The following LINGO2 variants were observed in gnomAD, a reference collection of about 807,000 sequenced individuals.
LINGO2 encodes the protein leucine rich repeat and Ig domain containing 2.
A neutral mutation model predicts 30.6 loss-of-function variants in LINGO2; 14 were observed. That is an observed-to-expected ratio of 0.46 (90% CI 0.30 to 0.72). The LOEUF is 0.72. Among genes scored for constraint, LINGO2 ranks in the 30% least tolerant of loss-of-function variants. The pLI is 0.07. For missense variants in LINGO2, 729 were observed against 751.7 expected (o/e 0.97, Z 0.35); for synonymous variants, 317 against 288.5 (o/e 1.10, Z -1.00).
At chr9:29,030,622 T>A in the LINGO2 span, among the ~76,000 whole-genome samples, 1 of 152,210 alleles carries the variant, frequency 6.6e-6, no homozygotes, top group African/African-American at 2.4e-5. Context: ...GTTTTCATGA[T>A]GAGATTCTTC....
chr9:28,099,838 C>A (rs1826358110), intron 4 of LINGO2, among the ~76,000 whole-genome samples: 1 of 152,164 alleles, frequency 6.6e-6, no homozygotes, highest in South Asian at 2.1e-4. Flanking sequence ...TTGCCATGCT[C>A]TTGCCCTCCT....
At chr9:28,777,046 C>T in the LINGO2 span, among the ~76,000 whole-genome samples, 131,749 of 152,000 alleles carry the variant, frequency 0.87, 57,330 homozygotes, top group East Asian at 0.95. Context: ...GCTCCCTCTC[C>T]CACTTGCTCT....
intron 2 of LINGO2, among the ~76,000 whole-genome samples, chr9:28,433,945 C>CTATATATATATATA (rs1305896597): frequency 7.0e-5 from 4 of 57,316 alleles, no homozygotes; most frequent in African/African-American, 1.3e-4. Context: ...CTCTCTCTCT[C>CTATATATATATATA]TCTCTATATA....
the LINGO2 span, among the ~76,000 whole-genome samples, chr9:28,790,325 C>CTTTCTTTTTTTTTTTTT: frequency 9.4e-6 from 1 of 106,300 alleles, no homozygotes; most frequent in African/African-American, 3.9e-5. Flanking sequence ...TCTTTTCTTT[C>CTTTCTTTTTTTTTTTTT]TTTTTTTTTT....
At chr9:29,081,923 A>G in the LINGO2 span, among the ~76,000 whole-genome samples, 1 of 152,100 alleles carries the variant, frequency 6.6e-6, no homozygotes, top group Non-Finnish European at 1.5e-5. Context: ...TCAATGAAAT[A>G]AAAGAGGACA....
At chr9:28,836,632 T>A in the LINGO2 span, among the ~76,000 whole-genome samples, 1 of 152,254 alleles carries the variant, frequency 6.6e-6, no homozygotes, top group South Asian at 2.1e-4. Context: ...ATATTTTTAA[T>A]TTTTTAAAAT....
chr9:28,001,496 C>A (rs1821951347), intron 5 of LINGO2, among the ~76,000 whole-genome samples: 1 of 151,974 alleles, frequency 6.6e-6, no homozygotes, highest in African/African-American at 2.4e-5. Flanking sequence ...AGAAAGTGTG[C>A]AAAATATGCT....
At chr9:28,870,064 C>T in the LINGO2 span, among the ~76,000 whole-genome samples, 1 of 151,782 alleles carries the variant, frequency 6.6e-6, no homozygotes, top group Non-Finnish European at 1.5e-5. Context: ...TGAGTCCCTC[C>T]TTCACTCTTT....
At chr9:28,925,589 T>C in the LINGO2 span, among the ~76,000 whole-genome samples, 1 of 152,230 alleles carries the variant, frequency 6.6e-6, no homozygotes, top group African/African-American at 2.4e-5. Flanking sequence ...TCCTGGACTC[T>C]GCTCTCTTTG....
At chr9:29,043,234 G>A in the LINGO2 span, among the ~76,000 whole-genome samples, 27 of 152,000 alleles carry the variant, frequency 1.8e-4, no homozygotes, top group Admixed American at 1.1e-3. Flanking sequence ...GATGTAGACT[G>A]GAAATTTAAG....
the LINGO2 span, among the ~76,000 whole-genome samples, chr9:28,695,700 A>G: frequency 6.6e-6 from 1 of 151,556 alleles, no homozygotes; most frequent in Non-Finnish European, 1.5e-5. Context: ...TTGTTGAATG[A>G]ACACAGCAAA....
chr9:29,137,724 C>T, the LINGO2 span, among the ~76,000 whole-genome samples: 2 of 152,106 alleles, frequency 1.3e-5, no homozygotes, highest in African/African-American at 2.4e-5. Context: ...TCACCAATCT[C>T]CCTCTAATAG....
chr9:28,230,850 T>C (rs947515303), intron 4 of LINGO2, among the ~76,000 whole-genome samples: 5 of 151,966 alleles, frequency 3.3e-5, no homozygotes, highest in African/African-American at 1.2e-4. Context: ...GTCTTAAATA[T>C]GTTTTATAAA....
At chr9:28,399,119 A>C (rs1822163950) in intron 2 of LINGO2, among the ~76,000 whole-genome samples, 1 of 152,186 alleles carries the variant, frequency 6.6e-6, no homozygotes, top group Non-Finnish European at 1.5e-5. Context: ...AGAAGAGAAA[A>C]TCTGCCAAAG....
At chr9:28,688,451 G>A in the LINGO2 span, among the ~76,000 whole-genome samples, 1 of 152,194 alleles carries the variant, frequency 6.6e-6, no homozygotes, top group South Asian at 2.1e-4. Flanking sequence ...CTTGCCTCAG[G>A]CTTTTTCTAA....
At chr9:28,987,255 T>C in the LINGO2 span, among the ~76,000 whole-genome samples, 1 of 151,940 alleles carries the variant, frequency 6.6e-6, no homozygotes, top group Non-Finnish European at 1.5e-5. Context: ...TTGCTATTTC[T>C]TCATAATTCA....
At chr9:28,521,396 T>C (rs1820824278) in intron 1 of LINGO2, among the ~76,000 whole-genome samples, 1 of 152,156 alleles carries the variant, frequency 6.6e-6, no homozygotes, top group South Asian at 2.1e-4. Context: ...CTACTTACAA[T>C]GCCAAACCTA....
chr9:29,093,368 T>C, the LINGO2 span, among the ~76,000 whole-genome samples: 3 of 133,526 alleles, frequency 2.2e-5, 1 homozygote, highest in Non-Finnish European at 4.8e-5. Context: ...TGATGTCCTA[T>C]ACTAATTTGT....
chr9:28,028,889 A>G (rs1336662223), intron 4 of LINGO2, among the ~76,000 whole-genome samples: 2 of 152,160 alleles, frequency 1.3e-5, no homozygotes, highest in Non-Finnish European at 2.9e-5. Context: ...ATTTGTAATC[A>G]TCCAAATTTT....
Sources: gnomAD v4.1 joint callset for allele counts (sites outside exome capture counted in the v4.1 genomes callset) on GRCh38, gnomAD v4.1.1 for gene constraint, MANE v1.5 for transcripts, NCBI Gene and HGNC (gene_info 2026-07-23, HGNC 2026-07-21) for gene names.